The following RALYL variants were observed in gnomAD, a reference collection of about 807,000 sequenced individuals.
The protein encoded by RALYL is RNA-binding Raly-like protein.
In RALYL, 29 loss-of-function variants were observed where a neutral mutation model predicts 35.1. The ratio of observed to expected loss-of-function variants is 0.83; its 90% CI spans 0.61 to 1.13. The LOEUF is 1.13. RALYL is among the 50% of genes most tolerant of loss of function. RALYL has a pLI of 0.00. For synonymous variants in RALYL, 120 were observed against 127.6 expected (o/e 0.94, Z 0.40); for missense variants, 359 against 360.4 (o/e 1.00, Z 0.03).
intron 1 of RALYL, among the ~76,000 whole-genome samples, chr8:84,379,874 G>GA (rs200788229): frequency 0.029 from 4,333 of 148,744 alleles, 207 homozygotes; most frequent in African/African-American, 0.1. Flanking sequence ...AAAAAAAAAA[G>GA]AAAAAAACTG....
intron 8 of RALYL, among the ~76,000 whole-genome samples, chr8:84,907,409 A>G (rs779809925): frequency 1.3e-5 from 2 of 152,102 alleles, no homozygotes; most frequent in Non-Finnish European, 2.9e-5. Context: ...CGGAAAGAAA[A>G]CAATACTGTT....
intron 4 of RALYL, among the ~76,000 whole-genome samples, chr8:84,831,116 G>T (rs570352475): frequency 4.1e-4 from 63 of 152,014 alleles, no homozygotes; most frequent in Non-Finnish European, 8.1e-4. Context: ...GTAAATAATA[G>T]CCATTACCAA....
intron 1 of RALYL, among the ~76,000 whole-genome samples, chr8:84,331,208 C>G (rs989067661): frequency 6.6e-6 from 1 of 152,024 alleles, no homozygotes; most frequent in African/African-American, 2.4e-5. Context: ...CTATCAGGGC[C>G]TATTAGAGTA....
chr8:84,855,841 A>G (rs752913072), intron 5 of RALYL, among the ~76,000 whole-genome samples: 8 of 152,332 alleles, frequency 5.3e-5, no homozygotes, highest in Non-Finnish European at 8.8e-5. Flanking sequence ...AACAAATGCC[A>G]CAGGTGTTTT....
chr8:84,833,798 G>A (rs996115418), intron 4 of RALYL, among the ~76,000 whole-genome samples: 6 of 151,768 alleles, frequency 4.0e-5, no homozygotes, highest in African/African-American at 1.5e-4. Flanking sequence ...TTGATGCCTT[G>A]GTTCTCTCAT....
At chr8:84,428,106 TCACACACA>T (rs869249552) in intron 1 of RALYL, among the ~76,000 whole-genome samples, 155 of 127,336 alleles carry the variant, frequency 1.2e-3, no homozygotes, top group African/African-American at 3.5e-3. Flanking sequence ...TCTCTCTCTC[TCACACACA>T]CACACACACA....
At chr8:84,333,267 C>T (rs775926588) in intron 1 of RALYL, among the ~76,000 whole-genome samples, 6 of 152,174 alleles carry the variant, frequency 3.9e-5, no homozygotes, top group Non-Finnish European at 7.4e-5. Flanking sequence ...CCATAAATAT[C>T]ATTGAGATAA....
intron 1 of RALYL, among the ~76,000 whole-genome samples, chr8:84,449,299 G>T (rs998636926): frequency 1.3e-5 from 2 of 151,932 alleles, no homozygotes; most frequent in Non-Finnish European, 2.9e-5. Flanking sequence ...GGGGAGCTTT[G>T]AAGCACTTAG....
At position 84,844,849 on chromosome 8, in the gene RALYL, C is replaced by T. The variant is rs560332014; in HGVS notation, c.366-5131C>T. Among the ~76,000 whole-genome samples the T allele has an allele frequency of 3.0e-3, 454 of 152,146 alleles. 1 individual carries two copies. Among genetic ancestry groups the T allele is most frequent in the African/African-American group, 0.011 (442 of 41,490 alleles). ...TGGATGAAGCTGGAAACCATCATTC[C>T]CAGCAAACTATGGCAAGGACAAAAA... On this transcript the variant is annotated intron_variant, in intron 4 of 8. Coordinates refer to ENST00000521268, the MANE Select transcript of RALYL (RefSeq NM_173848.7).
chr8:84,562,760 A>C (rs964043139), intron 2 of RALYL, among the ~76,000 whole-genome samples: 4 of 151,926 alleles, frequency 2.6e-5, no homozygotes, highest in African/African-American at 9.7e-5. Flanking sequence ...AGGCCTACTG[A>C]ATCAGATTCT....
At chr8:84,797,008 C>G (rs762172593) in intron 3 of RALYL, among the ~76,000 whole-genome samples, 24 of 152,102 alleles carry the variant, frequency 1.6e-4, no homozygotes, top group Non-Finnish European at 1.0e-4. Flanking sequence ...TGTCTTAGTT[C>G]GTTTCCTGCT....
intron 1 of RALYL, among the ~76,000 whole-genome samples, chr8:84,282,893 C>T (rs564350134): frequency 4.0e-5 from 6 of 151,872 alleles, no homozygotes; most frequent in South Asian, 2.1e-4. Flanking sequence ...TAGAAGAGCG[C>T]GTTCAACTAA....
At chr8:84,617,107 A>C (rs1056993029) in intron 2 of RALYL, among the ~76,000 whole-genome samples, 6 of 150,484 alleles carry the variant, frequency 4.0e-5, no homozygotes, top group East Asian at 1.9e-4. Flanking sequence ...ACTTTAAAGT[A>C]GTTTTTTCCA....
At chr8:84,523,987 T>C (rs1445030350) in intron 1 of RALYL, among the ~76,000 whole-genome samples, 1 of 152,120 alleles carries the variant, frequency 6.6e-6, no homozygotes, top group African/African-American at 2.4e-5. Flanking sequence ...CATGTGCATG[T>C]GTCTTTATAG....
chr8:84,344,574 T>A (rs1849461688), intron 1 of RALYL, among the ~76,000 whole-genome samples: 1 of 152,214 alleles, frequency 6.6e-6, no homozygotes, highest in East Asian at 1.9e-4. Context: ...TGTGACTAAT[T>A]GTGGGGTACA....
intron 1 of RALYL, among the ~76,000 whole-genome samples, chr8:84,317,560 C>T (rs559509440): frequency 1.3e-5 from 2 of 152,212 alleles, no homozygotes; most frequent in Non-Finnish European, 2.9e-5. Flanking sequence ...TCAGAATTGC[C>T]GCATACCACT....
chr8:84,643,014 G>C (rs1303871467), intron 2 of RALYL, among the ~76,000 whole-genome samples: 5 of 151,960 alleles, frequency 3.3e-5, no homozygotes, highest in African/African-American at 7.2e-5. Flanking sequence ...TAAGGCTGTA[G>C]GTGGCTCCTG....
intron 2 of RALYL, among the ~76,000 whole-genome samples, chr8:84,539,312 G>T (rs2059829198): frequency 6.6e-6 from 1 of 152,076 alleles, no homozygotes. Flanking sequence ...CATACAAAGT[G>T]ATGTAAAAAC....
chr8:84,379,322 C>T (rs956688675), intron 1 of RALYL, among the ~76,000 whole-genome samples: 1 of 151,862 alleles, frequency 6.6e-6, no homozygotes. Context: ...GATCGTTTTT[C>T]ACAGGTTTAA....
Sources: allele counts gnomAD v4.1 joint callset (sites outside exome capture counted in the v4.1 genomes callset), GRCh38; gene constraint gnomAD v4.1.1; transcripts MANE v1.5; gene names NCBI Gene and HGNC (gene_info 2026-07-23, HGNC 2026-07-21).